Variants in FER observed in about 807,000 individuals in gnomAD.
FER encodes the protein FER tyrosine kinase.
In FER, 63 loss-of-function variants were observed where a neutral mutation model predicts 111.0. The observed-to-expected ratio is 0.57, with a 90% CI of 0.46 to 0.70. The LOEUF (loss-of-function observed/expected upper bound fraction) is 0.70. FER is among the 30% of genes least tolerant of loss of function. FER has a pLI of 0.00. For synonymous variants in FER, 327 were observed against 313.9 expected (o/e 1.04, Z -0.44); for missense variants, 914 against 954.0 (o/e 0.96, Z 0.55).
chr5:109,186,604 G>A (rs1398370898), intron 19 of FER, among the ~76,000 whole-genome samples: 1 of 152,114 alleles, frequency 6.6e-6, no homozygotes, highest in Non-Finnish European at 1.5e-5. Flanking sequence ...AAGAGAAATA[G>A]GGTGGTGTTT....
At chr5:108,968,061 C>G (rs1760133463) in intron 13 of FER, among the ~76,000 whole-genome samples, 1 of 152,094 alleles carries the variant, frequency 6.6e-6, no homozygotes. Context: ...GAGAAACAAG[C>G]TGCAATGTAT....
intron 14 of FER, among the ~76,000 whole-genome samples, chr5:109,037,946 T>A (rs1040620396): frequency 1.3e-5 from 2 of 151,912 alleles, no homozygotes; most frequent in African/African-American, 4.8e-5. Context: ...ACTGGGCATA[T>A]TTCAATCTAA....
chr5:108,799,132 TGTTGAGTTA>T (rs1487666891), intron 3 of FER, among the ~76,000 whole-genome samples: 1 of 152,230 alleles, frequency 6.6e-6, no homozygotes, highest in Non-Finnish European at 1.5e-5. Context: ...ATTAGTATAT[TGTTGAGTTA>T]GTCACTCTTA....
chr5:109,163,793 A>T (rs1272952172), intron 17 of FER, among the ~76,000 whole-genome samples: 1 of 152,146 alleles, frequency 6.6e-6, no homozygotes, highest in East Asian at 1.9e-4. Context: ...CATTTCTGCT[A>T]CTTAGTGTAT....
intron 3 of FER, among the ~76,000 whole-genome samples, chr5:108,805,264 C>T (rs983241289): frequency 5.3e-5 from 8 of 152,140 alleles, no homozygotes; most frequent in African/African-American, 1.2e-4. Context: ...CCACATAAGA[C>T]GTGATTTGCT....
chr5:108,895,778 C>A (rs1748999471), intron 9 of FER, among the ~76,000 whole-genome samples: 1 of 152,144 alleles, frequency 6.6e-6, no homozygotes, highest in Non-Finnish European at 1.5e-5. Flanking sequence ...CATTATTCAG[C>A]TGACCATAGG....
At chr5:108,882,884 T>C (rs1236010284) in intron 8 of FER, among the ~76,000 whole-genome samples, 1 of 151,794 alleles carries the variant, frequency 6.6e-6, no homozygotes, top group Non-Finnish European at 1.5e-5. Flanking sequence ...ATACAGAAAA[T>C]ACTCCTAAAG....
chr5:108,807,015 C>A (rs1034753151), intron 3 of FER, among the ~76,000 whole-genome samples: 1 of 152,022 alleles, frequency 6.6e-6, no homozygotes, highest in Admixed American at 6.6e-5. Context: ...ATTTTAACTC[C>A]CACAATTCCC....
rs1770832158 is a variant in FER at position 109,039,327 on chromosome 5, T to C, written c.1713+1849T>C. Among the ~76,000 whole-genome samples, 4 of 152,238 alleles carry C rather than the reference T, an allele frequency of 2.6e-5. No homozygotes were observed. In the South Asian group the frequency reaches 6.2e-4, roughly 24 times the overall value. On this transcript the variant is annotated intron_variant, in intron 14 of 19. Transcript: ENST00000281092. ...AACAAATATTCAGTCATCCAGTGTT[T>C]TTTGAATGCCTACTATGTGCAAGGC...
At chr5:108,818,571 A>G (rs1171948987) in intron 3 of FER, among the ~76,000 whole-genome samples, 6 of 152,078 alleles carry the variant, frequency 3.9e-5, no homozygotes, top group Non-Finnish European at 7.4e-5. Context: ...TAAAATCTCA[A>G]ATTAGTAATT....
intron 9 of FER, among the ~76,000 whole-genome samples, chr5:108,886,818 ATT>A (rs1437705797): frequency 1.3e-5 from 2 of 151,692 alleles, no homozygotes; most frequent in Non-Finnish European, 3.0e-5. Context: ...TGTTAAGTAT[ATT>A]TATATGACTA....
intron 3 of FER, chr5:108,820,248 A>G: frequency 1.0e-6 from 1 of 985,450 alleles, no homozygotes; most frequent in Non-Finnish European, 1.2e-6. Flanking sequence ...TGAGGATGGC[A>G]CTAAATAAGG....
chr5:108,948,265 G>T (rs1308202085), intron 11 of FER, among the ~76,000 whole-genome samples: 1 of 152,058 alleles, frequency 6.6e-6, no homozygotes, highest in Non-Finnish European at 1.5e-5. Flanking sequence ...GGAACGCTTA[G>T]ATCAACAGTC....
At chr5:108,884,608 A>G (rs989382082) in intron 9 of FER, among the ~76,000 whole-genome samples, 1 of 151,444 alleles carries the variant, frequency 6.6e-6, no homozygotes, top group Admixed American at 6.6e-5. Context: ...TTCCTTCCCA[A>G]CTGGGTCCTT....
chr5:108,964,459 C>T (rs974218231), intron 13 of FER, among the ~76,000 whole-genome samples: 9 of 152,004 alleles, frequency 5.9e-5, no homozygotes, highest in African/African-American at 9.7e-5. Flanking sequence ...GCAAACAATT[C>T]GAAGAGCCGT....
intron 13 of FER, among the ~76,000 whole-genome samples, chr5:109,011,402 T>A (rs1162448885): frequency 6.6e-6 from 1 of 152,250 alleles, no homozygotes; most frequent in Non-Finnish European, 1.5e-5. Flanking sequence ...AGGTACTTTC[T>A]GGTTTGTCTT....
chr5:108,810,891 C>T (rs1328777688), intron 3 of FER, among the ~76,000 whole-genome samples: 4 of 151,720 alleles, frequency 2.6e-5, no homozygotes, highest in African/African-American at 4.8e-5. Flanking sequence ...TAGGGTGGCT[C>T]ATGCTTCCAG....
intron 5 of FER, among the ~76,000 whole-genome samples, chr5:108,845,013 T>C (rs1464697312): frequency 5.2e-4 from 30 of 57,204 alleles, no homozygotes; most frequent in Admixed American, 7.2e-4. Flanking sequence ...TATATATATA[T>C]ATATATATAT....
chr5:108,988,506 A>C (rs1489838185), intron 13 of FER, among the ~76,000 whole-genome samples: 1 of 152,026 alleles, frequency 6.6e-6, no homozygotes, highest in Non-Finnish European at 1.5e-5. Context: ...TCTTGGTTTA[A>C]TCTAGGAGGG....
Sources: gnomAD v4.1 joint callset for allele counts (sites outside exome capture counted in the v4.1 genomes callset) on GRCh38, gnomAD v4.1.1 for gene constraint, MANE v1.5 for transcripts, NCBI Gene and HGNC (gene_info 2026-07-23, HGNC 2026-07-21) for gene names.